Variants in ZNF317 observed in about 807,000 individuals in gnomAD.
ZNF317 encodes the protein zinc finger protein 317.
Under a neutral mutation model 23.4 loss-of-function variants are expected in ZNF317, and 17 were observed. That is an observed-to-expected ratio of 0.73 (90% CI 0.50 to 1.09). The LOEUF (loss-of-function observed/expected upper bound fraction) is 1.09, where lower values mean the gene tolerates loss of function less well. Ranked by LOEUF, ZNF317 falls within the 50% of genes least tolerant of loss-of-function variation. The pLI is 0.00. For synonymous variants in ZNF317, 317 were observed against 314.9 expected (o/e 1.01, Z -0.07); for missense variants, 679 against 796.7 (o/e 0.85, Z 1.78).
chr19:9,145,106 G>T (rs139119642), intron 1 of ZNF317, among the ~76,000 whole-genome samples: 2 of 151,898 alleles, frequency 1.3e-5, no homozygotes, highest in African/African-American at 2.4e-5. Context: ...GTGCAATGGC[G>T]TAATCTCGTC....
intron 5 of ZNF317, 67 bp downstream of exon 5, chr19:9,158,142 A>T: frequency 6.7e-7 from 1 of 1,490,706 alleles, no homozygotes; most frequent in African/African-American, 1.4e-5. Context: ...GGGTGGAGGG[A>T]GGTAGGTTAG....
Position 9,161,435 on chromosome 19 carries a change from C to A in ZNF317, c.*2C>A, listed in dbSNP as rs372294186. On this transcript the variant is annotated 3_prime_UTR_variant, in exon 7 of 7. Transcript: ENST00000247956. The surrounding 1 kb of genome is among the most constrained non-coding windows in gnomAD (Gnocchi z 4.0). ...TCCGTGTGGAAAAGGCTCCAGTGAG[C>A]GCGCCTGCTTTAGAGACACAGGATG... 3 of 1,606,478 alleles carry A rather than the reference C, an allele frequency of 1.9e-6. No individual in the cohort carries two copies. The African/African-American group carries it at 4.0e-5, about 21-fold the overall frequency.
chr19:9,147,316 T>TTCCAATG (rs2050692115), intron 1 of ZNF317, among the ~76,000 whole-genome samples: 1 of 150,202 alleles, frequency 6.7e-6, no homozygotes, highest in Non-Finnish European at 1.5e-5. Context: ...GGTGACAGCA[T>TTCCAATG]TCCAATGACA....
chr19:9,162,040 G>A lies in ZNF317; in HGVS notation c.*607G>A, dbSNP rs2050863874. The A allele has an allele frequency of 6.6e-6, 1 of 152,368 alleles. No homozygotes were observed. Among genetic ancestry groups the A allele is most frequent in the African/African-American group, 2.4e-5 (1 of 41,452 alleles). The allele number at this position is 152,368 out of a possible 1,614,324, so 9.4% of individuals were successfully genotyped here. On this transcript the variant is annotated 3_prime_UTR_variant, in exon 7 of 7. Coordinates refer to ENST00000247956, the MANE Select transcript of ZNF317 (RefSeq NM_020933.5). ...TTGATGGAGAAAATTTGTGGCCAAT[G>A]AAGTCTGAAATACTTCCTGTCATCT...
At chr19:9,154,982 AT>A (rs1297680739) in intron 1 of ZNF317, among the ~76,000 whole-genome samples, 2 of 152,120 alleles carry the variant, frequency 1.3e-5, no homozygotes, top group Non-Finnish European at 2.9e-5. Flanking sequence ...GTTTTGTGAA[AT>A]GTCTGTTTAT....
chr19:9,150,692 G>A (rs368167538), intron 1 of ZNF317, among the ~76,000 whole-genome samples: 2 of 152,192 alleles, frequency 1.3e-5, no homozygotes, highest in East Asian at 3.9e-4. Flanking sequence ...GGCTGCAAGA[G>A]CAGTGGCATT....
At chr19:9,159,807 A>G (rs1317897842) in intron 6 of ZNF317, among the ~76,000 whole-genome samples, 3 of 152,160 alleles carry the variant, frequency 2.0e-5, no homozygotes, top group African/African-American at 7.2e-5. Flanking sequence ...TTGGCCTTCC[A>G]GAGTGCTGGG....
chr19:9,157,196 A>G, intron 3 of ZNF317, 72 bp from the exon 4 acceptor site: 2 of 1,577,546 alleles, frequency 1.3e-6, no homozygotes, highest in Non-Finnish European at 1.7e-6. Flanking sequence ...CCCGGTCTTC[A>G]ACCTCAGCCA....
chr19:9,156,902 G>A lies in ZNF317; in HGVS notation c.162+154G>A, dbSNP rs1406755223. On this transcript the variant is annotated intron_variant, in intron 3 of 6. Transcript: ENST00000247956. ...CAAGGAATATTGGGGCTGTCCTGGT[G>A]TTGGGGAAGTTAGGGGAAGTGATTT... The A allele has an allele frequency of 5.2e-6, 5 of 955,566 alleles. No individual in the cohort carries two copies. In the East Asian group the frequency reaches 1.3e-4, roughly 25 times the overall value. The allele number at this position is 955,566 out of a possible 1,614,324, so 59.2% of individuals were successfully genotyped here.
chr19:9,140,997 T>C (rs747573970), intron 1 of ZNF317, among the ~76,000 whole-genome samples: 1 of 152,200 alleles, frequency 6.6e-6, no homozygotes, highest in East Asian at 1.9e-4. Flanking sequence ...GGTGTTCTTA[T>C]TAGCACTTAC....
intron 1 of ZNF317, among the ~76,000 whole-genome samples, chr19:9,147,527 A>T (rs2050696689): frequency 6.6e-6 from 1 of 151,850 alleles, no homozygotes. Flanking sequence ...TTTTTAGTAG[A>T]GATGGGGTTT....
intron 1 of ZNF317, among the ~76,000 whole-genome samples, chr19:9,141,040 C>G (rs758385532): frequency 6.6e-6 from 1 of 151,918 alleles, no homozygotes; most frequent in Non-Finnish European, 1.5e-5. Context: ...AATTTAAGAC[C>G]TTCTGGTTGC....
chr19:9,143,216 A>G (rs1255620746), intron 1 of ZNF317, among the ~76,000 whole-genome samples: 1 of 152,102 alleles, frequency 6.6e-6, no homozygotes, highest in Non-Finnish European at 1.5e-5. Context: ...TGCATTTGTA[A>G]TGTTATCCAC....
intron 1 of ZNF317, among the ~76,000 whole-genome samples, chr19:9,147,860 A>G (rs964477242): frequency 6.6e-6 from 1 of 152,122 alleles, no homozygotes; most frequent in Non-Finnish European, 1.5e-5. Flanking sequence ...CTCATATGGA[A>G]ATGTAATTCC....
chr19:9,162,538 T>C lies in ZNF317; in HGVS notation c.*1105T>C, dbSNP rs1168740724. On this transcript the variant is annotated 3_prime_UTR_variant, in exon 7 of 7. Transcript: ENST00000247956. ...CGAGATTTTCCGGTGAATACGGGAT[T>C]GCACTTACTCTTTCATCACGGAAAC... 1 of 149,400 alleles carries C rather than the reference T, an allele frequency of 6.7e-6. No homozygotes were observed. The highest frequency in any genetic ancestry group is 2.5e-5 in the African/African-American group (1 of 39,706). The allele number at this position is 149,400 out of a possible 1,614,324, so 9.3% of individuals were successfully genotyped here.
chr19:9,146,240 AC>A (rs1410224878), intron 1 of ZNF317, among the ~76,000 whole-genome samples: 1 of 151,698 alleles, frequency 6.6e-6, no homozygotes, highest in African/African-American at 2.4e-5. Context: ...CTTGTTGGAA[AC>A]AGAATTCCTA....
chr19:9,144,604 G>A (rs2050667307), intron 1 of ZNF317, among the ~76,000 whole-genome samples: 1 of 151,948 alleles, frequency 6.6e-6, no homozygotes, highest in Admixed American at 6.6e-5. Context: ...TTACTCTCCT[G>A]ATTTACATGG....
At position 9,160,053 on chromosome 19, in the gene ZNF317, C is replaced by G. The variant is rs1324862165; in HGVS notation, c.469-61C>G. 1.9e-6 allele frequency: 3 copies of G among 1,598,764 alleles called. No individual in the cohort carries two copies. Among genetic ancestry groups the G allele is most frequent in the South Asian group, 2.3e-5 (2 of 88,090 alleles). ...TTCATAGCAGTGTATGTGGGGATGA[C>G]GCTTAGGGTTGCAATGAATATGAGA... On this transcript the variant is annotated intron_variant, in intron 6 of 6. Transcript: ENST00000247956. The surrounding 1 kb of genome is among the most constrained non-coding windows in gnomAD (Gnocchi z 6.8).
intron 1 of ZNF317, among the ~76,000 whole-genome samples, chr19:9,144,307 T>C (rs913542845): frequency 9.9e-5 from 15 of 152,196 alleles, no homozygotes; most frequent in Non-Finnish European, 1.9e-4. Context: ...CCGGCTCTTA[T>C]TGTATTCTTA....
Sources: gnomAD v4.1 joint callset for allele counts (sites outside exome capture counted in the v4.1 genomes callset) on GRCh38, gnomAD v4.1.1 for gene constraint, Gnocchi (gnomAD v3.1) non-coding constraint, MANE v1.5 for transcripts, NCBI Gene and HGNC (gene_info 2026-07-23, HGNC 2026-07-21) for gene names.